The following RARB variants were observed in gnomAD, a reference collection of about 807,000 sequenced individuals.
RARB encodes retinoic acid receptor beta, also known as HBV-activated protein.
Under a neutral mutation model 51.9 loss-of-function variants are expected in RARB, and 17 were observed. The observed-to-expected ratio is 0.33, with a 90% CI of 0.22 to 0.49. RARB has a LOEUF of 0.49. Ranked by LOEUF, RARB falls within the 20% of genes least tolerant of loss-of-function variation. RARB has a pLI of 0.99. For synonymous variants in RARB, 215 were observed against 195.4 expected (o/e 1.10, Z -0.84); for missense variants, 369 against 550.8 (o/e 0.67, Z 3.30).
intron 5 of RARB, chr3:25,345,987 G>T (rs564235487): frequency 1.6e-6 from 1 of 612,546 alleles, no homozygotes; most frequent in Non-Finnish European, 2.0e-6. Flanking sequence ...GGCTGGCTCC[G>T]ATGAGTAGTT....
intron 2 of RARB, among the ~76,000 whole-genome samples, chr3:24,978,862 C>G (rs1696577596): frequency 6.6e-6 from 1 of 152,090 alleles, no homozygotes; most frequent in Non-Finnish European, 1.5e-5. Flanking sequence ...TATTTTAGAT[C>G]TTTTCTGTTT....
chr3:25,329,152 G>T (rs1248338937), intron 5 of RARB, among the ~76,000 whole-genome samples: 1 of 152,216 alleles, frequency 6.6e-6, no homozygotes, highest in Non-Finnish European at 1.5e-5. Context: ...AAACGTCCCT[G>T]TCTGACAGCT....
intron 2 of RARB, among the ~76,000 whole-genome samples, chr3:25,486,658 T>A (rs1378693477): frequency 6.6e-6 from 1 of 152,198 alleles, no homozygotes; most frequent in East Asian, 1.9e-4. Context: ...CATCTGCCAC[T>A]TCACCCAAAT....
chr3:25,232,961 T>G (rs991440033), intron 5 of RARB, among the ~76,000 whole-genome samples: 1 of 149,632 alleles, frequency 6.7e-6, no homozygotes, highest in Non-Finnish European at 1.5e-5. Context: ...ATTAAATGCC[T>G]TTTTTCTTTT....
intron 5 of RARB, among the ~76,000 whole-genome samples, chr3:25,312,372 CA>C (rs1421193758): frequency 1.3e-5 from 2 of 151,480 alleles, no homozygotes; most frequent in Non-Finnish European, 2.9e-5. Context: ...TTCCATTTTC[CA>C]GATAAAGACC....
chr3:24,908,259 G>C (rs922722671), intron 2 of RARB, among the ~76,000 whole-genome samples: 4 of 152,132 alleles, frequency 2.6e-5, no homozygotes, highest in African/African-American at 9.7e-5. Context: ...GCTTTCTTAA[G>C]TTTCTTTAAA....
intron 2 of RARB, among the ~76,000 whole-genome samples, chr3:25,481,935 T>G (rs1696242796): frequency 6.6e-6 from 1 of 152,180 alleles, no homozygotes; most frequent in Admixed American, 6.5e-5. Flanking sequence ...TAGAAAATAG[T>G]ACTATCCCCA....
intron 3 of RARB, among the ~76,000 whole-genome samples, chr3:25,117,555 A>G (rs866802513): frequency 1.3e-5 from 2 of 152,294 alleles, no homozygotes; most frequent in African/African-American, 4.8e-5. Flanking sequence ...ATGACTGACA[A>G]TCAGAGAATA....
intron 2 of RARB, among the ~76,000 whole-genome samples, chr3:24,886,340 T>C (rs1214895389): frequency 6.6e-6 from 1 of 152,200 alleles, no homozygotes; most frequent in African/African-American, 2.4e-5. Context: ...CACAGATGGT[T>C]GTTCAGTTGA....
intron 3 of RARB, among the ~76,000 whole-genome samples, chr3:25,545,429 C>A (rs192202394): frequency 5.5e-4 from 84 of 152,218 alleles, no homozygotes; most frequent in Admixed American, 2.0e-3. Flanking sequence ...TCACTTGTGT[C>A]CTGCCCTCCC....
intron 3 of RARB, among the ~76,000 whole-genome samples, chr3:25,114,278 G>GTT (rs1389997798): frequency 2.6e-5 from 4 of 152,198 alleles, no homozygotes; most frequent in African/African-American, 9.6e-5. Context: ...CTGCTCTGAA[G>GTT]TTTCTTTTAC....
intron 5 of RARB, among the ~76,000 whole-genome samples, chr3:25,391,414 A>T (rs1047888501): frequency 6.6e-6 from 1 of 152,166 alleles, no homozygotes; most frequent in Non-Finnish European, 1.5e-5. Context: ...AATACTCAAT[A>T]GTGGGATTGC....
At chr3:25,381,073 T>C (rs1487392527) in intron 5 of RARB, among the ~76,000 whole-genome samples, 1 of 152,196 alleles carries the variant, frequency 6.6e-6, no homozygotes, top group South Asian at 2.1e-4. Flanking sequence ...GTCAAGTCTT[T>C]CTGCATTCCT....
At chr3:25,294,620 C>T (rs1227693655) in intron 5 of RARB, among the ~76,000 whole-genome samples, 3 of 151,982 alleles carry the variant, frequency 2.0e-5, no homozygotes, top group African/African-American at 7.2e-5. Context: ...ACAGTGGGAG[C>T]TAAAACCACA....
At chr3:25,012,234 A>G (rs1462684424) in intron 2 of RARB, among the ~76,000 whole-genome samples, 1 of 152,112 alleles carries the variant, frequency 6.6e-6, no homozygotes, top group Non-Finnish European at 1.5e-5. Flanking sequence ...CCAAGCTGAT[A>G]TTAATGTTCT....
chr3:25,027,698 TC>T (rs202131015), intron 2 of RARB, among the ~76,000 whole-genome samples: 2 of 143,378 alleles, frequency 1.4e-5, no homozygotes, highest in African/African-American at 5.1e-5. Context: ...GCTTTTTTTT[TC>T]CCCTTATGAT....
chr3:25,413,120 A>G (rs1707610625), intron 5 of RARB, among the ~76,000 whole-genome samples: 1 of 152,180 alleles, frequency 6.6e-6, no homozygotes, highest in African/African-American at 2.4e-5. Context: ...CATAACCAGT[A>G]TCCTCACTTC....
At chr3:25,238,148 G>GC (rs138491550) in intron 5 of RARB, among the ~76,000 whole-genome samples, 16,414 of 149,304 alleles carry the variant, frequency 0.11, 1,073 homozygotes, top group Non-Finnish European at 0.15. Context: ...TCATCCTCCA[G>GC]CGCCCCCCCA....
intron 2 of RARB, among the ~76,000 whole-genome samples, chr3:25,036,076 A>G (rs558170653): frequency 4.6e-5 from 7 of 152,290 alleles, no homozygotes; most frequent in Admixed American, 2.0e-4. Flanking sequence ...GAATGAAAAG[A>G]CAAGTATTTA....
Sources: gnomAD v4.1 joint callset for allele counts (sites outside exome capture counted in the v4.1 genomes callset) on GRCh38, gnomAD v4.1.1 for gene constraint, MANE v1.5 for transcripts, NCBI Gene and HGNC (gene_info 2026-07-23, HGNC 2026-07-21) for gene names.